Variants in DLG1 observed in about 807,000 individuals in gnomAD.
The protein encoded by DLG1 is disks large homolog 1.
Under a neutral mutation model 123.4 loss-of-function variants are expected in DLG1, and 42 were observed. The observed-to-expected ratio is 0.34, with a 90% CI of 0.27 to 0.44. DLG1 has a LOEUF of 0.44. Among genes scored for constraint, DLG1 ranks in the 20% least tolerant of loss-of-function variants. The probability of loss-of-function intolerance (pLI) is 1.00; values close to 1 mark genes in which losing one functional copy is unlikely to be tolerated. For synonymous variants in DLG1, 317 were observed against 356.2 expected, an observed-to-expected ratio of 0.89 and a Z score of 1.24; for missense variants, 942 against 1,082.6, an observed-to-expected ratio of 0.87 and a Z score of 1.82.
At chr3:197,179,886 A>G (rs1041725179) in intron 5 of DLG1, among the ~76,000 whole-genome samples, 1 of 152,098 alleles carries the variant, frequency 6.6e-6, no homozygotes, top group Non-Finnish European at 1.5e-5. Flanking sequence ...ATGTTTTCCT[A>G]TATTTTTGAC....
At chr3:197,093,207 G>A (rs1330482150) in intron 14 of DLG1, among the ~76,000 whole-genome samples, 1 of 151,320 alleles carries the variant, frequency 6.6e-6, no homozygotes, top group Non-Finnish European at 1.5e-5. Flanking sequence ...TCACCAGGCT[G>A]GAGTGCAGTG....
chr3:197,159,623 T>C (rs552839079), intron 5 of DLG1, among the ~76,000 whole-genome samples: 4 of 152,356 alleles, frequency 2.6e-5, no homozygotes, highest in Non-Finnish European at 5.9e-5. Context: ...GTATGTATTT[T>C]AAATTTTACT....
Position 197,239,318 on chromosome 3 carries a change from C to T in DLG1, c.318+43361G>A, listed in dbSNP as rs145649132. Among the ~76,000 whole-genome samples the T allele has an allele frequency of 8.0e-3, 1,214 of 152,184 alleles. 12 individuals carry two copies. The highest frequency in any genetic ancestry group is 0.027 in the African/African-American group (1,108 of 41,524). On this transcript the variant is annotated intron_variant, in intron 4 of 24. Coordinates refer to ENST00000667157, the MANE Select transcript of DLG1 (RefSeq NM_001366207.1). ...AATAGATCTATAATTAGCAGAGACA[C>T]TGAATAAGTAATCAAAAATCTTTCA...
intron 4 of DLG1, among the ~76,000 whole-genome samples, chr3:197,231,899 A>T (rs1227824482): frequency 6.6e-6 from 1 of 152,238 alleles, no homozygotes; most frequent in Non-Finnish European, 1.5e-5. Flanking sequence ...ACAGTTGAAG[A>T]CAGCCAATTA....
chr3:197,285,038 A>C (rs6769833), intron 3 of DLG1, among the ~76,000 whole-genome samples: 24,518 of 147,910 alleles, frequency 0.17, 2,263 homozygotes, highest in African/African-American at 0.24. Flanking sequence ...TAAAAAAAAA[A>C]AAAAAAAAAC....
At chr3:197,048,653 TTATTAC>T (rs1434976780) in intron 24 of DLG1, among the ~76,000 whole-genome samples, 1 of 152,100 alleles carries the variant, frequency 6.6e-6, no homozygotes, top group African/African-American at 2.4e-5. Context: ...CAAGAAATTA[TTATTAC>T]TATTATTATT....
At chr3:197,263,593 C>A (rs1760434814) in intron 4 of DLG1, among the ~76,000 whole-genome samples, 1 of 152,064 alleles carries the variant, frequency 6.6e-6, no homozygotes, top group Non-Finnish European at 1.5e-5. Flanking sequence ...TCGAGACCAG[C>A]CTGGCCAACA....
intron 3 of DLG1, among the ~76,000 whole-genome samples, chr3:197,288,091 T>C (rs951334075): frequency 1.3e-5 from 2 of 150,732 alleles, no homozygotes; most frequent in African/African-American, 4.9e-5. Context: ...ATAGGCCGGG[T>C]GCAGTGGCTC....
chr3:197,113,121 T>C (rs1393380316), intron 13 of DLG1, among the ~76,000 whole-genome samples: 1 of 152,214 alleles, frequency 6.6e-6, no homozygotes. Flanking sequence ...ATCTAGGTAT[T>C]ATAGCACCAT....
At chr3:197,290,048 A>C (rs537497842) in intron 3 of DLG1, among the ~76,000 whole-genome samples, 79 of 152,288 alleles carry the variant, frequency 5.2e-4, no homozygotes, top group African/African-American at 1.9e-3. Context: ...AAAATTAAGA[A>C]AGTGCTCCAA....
chr3:197,178,004 T>C (rs1808053229), intron 5 of DLG1, among the ~76,000 whole-genome samples: 2 of 152,160 alleles, frequency 1.3e-5, no homozygotes, highest in South Asian at 2.1e-4. Context: ...TTTCTGGTTA[T>C]CTACAGTGTG....
intron 4 of DLG1, among the ~76,000 whole-genome samples, chr3:197,204,717 T>C (rs887817148): frequency 6.6e-6 from 1 of 152,162 alleles, no homozygotes; most frequent in Non-Finnish European, 1.5e-5. Context: ...TTACGTAGCA[T>C]TTACATAGAA....
chr3:197,139,871 T>A (rs3773853), intron 8 of DLG1, among the ~76,000 whole-genome samples: 1 of 151,992 alleles, frequency 6.6e-6, no homozygotes, highest in Admixed American at 6.5e-5. Context: ...ATGATTTCTA[T>A]AAATATGCTC....
intron 3 of DLG1, among the ~76,000 whole-genome samples, chr3:197,288,362 CA>C (rs1290725400): frequency 1.5e-3 from 68 of 45,568 alleles, no homozygotes; most frequent in South Asian, 3.6e-3. Context: ...GACTCCGTCT[CA>C]AAAAAAAAAA....
chr3:197,164,542 T>C (rs1463990543), intron 5 of DLG1, among the ~76,000 whole-genome samples: 1 of 152,136 alleles, frequency 6.6e-6, no homozygotes, highest in African/African-American at 2.4e-5. Flanking sequence ...CTGCTTCTAT[T>C]TGGTAAATCG....
At chr3:197,068,052 T>C (rs1740968980) in intron 19 of DLG1, among the ~76,000 whole-genome samples, 1 of 152,236 alleles carries the variant, frequency 6.6e-6, no homozygotes, top group South Asian at 2.1e-4. Context: ...TTATATTATA[T>C]GTATGTAGCT....
At chr3:197,168,741 A>G (rs773476353) in intron 5 of DLG1, among the ~76,000 whole-genome samples, 24 of 152,120 alleles carry the variant, frequency 1.6e-4, no homozygotes, top group Non-Finnish European at 2.9e-4. Flanking sequence ...ACTCAATAAG[A>G]TGAGATCTAA....
At chr3:197,101,977 G>A (rs559201463) in intron 14 of DLG1, among the ~76,000 whole-genome samples, 35 of 151,932 alleles carry the variant, frequency 2.3e-4, no homozygotes, top group Non-Finnish European at 3.7e-4. Flanking sequence ...GGCTGGTCTC[G>A]AACTCCTGGG....
At chr3:197,222,201 G>A (rs1176881894) in intron 4 of DLG1, among the ~76,000 whole-genome samples, 1 of 152,152 alleles carries the variant, frequency 6.6e-6, no homozygotes, top group African/African-American at 2.4e-5. Context: ...TACTAGGAGA[G>A]TCCGTGTGAC....
Sources: allele counts gnomAD v4.1 joint callset (sites outside exome capture counted in the v4.1 genomes callset), GRCh38; gene constraint gnomAD v4.1.1; transcripts MANE v1.5; gene names NCBI Gene and HGNC (gene_info 2026-07-23, HGNC 2026-07-21).